ZNF141: variants seen among roughly 807,000 people sequenced by gnomAD.
ZNF141 encodes the protein zinc finger protein 141.
ZNF141 carries 7 observed loss-of-function variants against 11.3 expected under a neutral mutation model. The ratio of observed to expected loss-of-function variants is 0.62; its 90% CI spans 0.35 to 1.16. The LOEUF (loss-of-function observed/expected upper bound fraction) is 1.16, where lower values mean the gene tolerates loss of function less well. ZNF141 is among the 50% of genes most tolerant of loss of function. The pLI is 0.02. For synonymous variants in ZNF141, 183 were observed against 190.7 expected (o/e 0.96, Z 0.33); for missense variants, 535 against 554.0 (o/e 0.97, Z 0.34).
Position 348,565 on chromosome 4 carries a change from A to G in ZNF141, c.226+4135A>G, listed in dbSNP as rs1280281729. 2.6e-5 allele frequency among the ~76,000 whole-genome samples: 4 copies of G among 151,910 alleles called. No homozygotes were observed. In the East Asian group the frequency reaches 7.7e-4, roughly 29 times the overall value. Reference sequence around the variant, plus strand: ...CTGTCTCTACTAAAAATATACAAAAACTAGCTAGGGGTGGTAGTGGGCGCT... The same window carrying G: ...CTGTCTCTACTAAAAATATACAAAAGCTAGCTAGGGGTGGTAGTGGGCGCT... On this transcript the variant is annotated intron_variant, in intron 3 of 3. Transcript: ENST00000240499.
rs899375982 is a variant in ZNF141, at chr4:377,299, A to G, written c.*3437A>G. Among the ~76,000 whole-genome samples the G allele has an allele frequency of 1.1e-4, 16 of 152,336 alleles. No individual in the cohort carries two copies. Among genetic ancestry groups the G allele is most frequent in the African/African-American group, 3.8e-4 (16 of 41,570 alleles). On this transcript the variant is annotated 3_prime_UTR_variant, in exon 4 of 4. Coordinates refer to ENST00000240499, the MANE Select transcript of ZNF141 (RefSeq NM_003441.4). ...TGTAATAGATGCTTCATAATTAGCC[A>G]TAAATATTCCTGGAGTTAGTTTGTA...
Position 360,255 on chromosome 4 carries a change from A to G in ZNF141, c.227-12409A>G, listed in dbSNP as rs114751295. On this transcript the variant is annotated intron_variant, in intron 3 of 3. Coordinates refer to ENST00000240499, the MANE Select transcript of ZNF141 (RefSeq NM_003441.4). ...TCCTATTCTGCCATCTTGCTATGCC[A>G]TATGTTCCGATATGTTCTATGTCAA... Among the ~76,000 whole-genome samples, 683 of 152,298 alleles carry G rather than the reference A, an allele frequency of 4.5e-3. 7 individuals are homozygous for G. The highest frequency in any genetic ancestry group is 0.015 in the African/African-American group (642 of 41,570).
In ZNF141 at chr4:383,168, C is replaced by T; in HGVS notation, c.*9306C>T. 1 of 702,032 alleles carries T rather than the reference C, an allele frequency of 1.4e-6. No individual in the cohort carries two copies. The highest frequency in any genetic ancestry group is 2.7e-5 in the East Asian group (1 of 37,212). 43.5% of individuals were successfully genotyped at this position (702,032 alleles called of 1,614,324 possible). A position where few individuals can be genotyped will look rare whatever the true frequency, so the allele number is the denominator to read the frequency against. ...TAGCATCTGAGAAAAGCCAAAGTGC[C>T]TCAGTTTACAGACAGCTCACTCACA... On this transcript the variant is annotated 3_prime_UTR_variant, in exon 4 of 4. Coordinates refer to ENST00000240499, the MANE Select transcript of ZNF141 (RefSeq NM_003441.4).
rs1712358005 is a variant in ZNF141, at chr4:376,215, T to C, written c.*2353T>C. 6.6e-6 allele frequency among the ~76,000 whole-genome samples: 1 copy of C among 152,112 alleles called. No individual in the cohort carries two copies. ...AAAGATGGTAACAATGGTAACATAG[T>C]TGAATGACATTTTTAGTATTCTCTT... is the stretch of plus-strand genomic sequence containing the variant. On this transcript the variant is annotated 3_prime_UTR_variant, in exon 4 of 4. Coordinates refer to ENST00000240499, the MANE Select transcript of ZNF141 (RefSeq NM_003441.4).
At position 380,488 on chromosome 4, in the gene ZNF141, C is replaced by T. The variant is rs955651228; in HGVS notation, c.*6626C>T. Among the ~76,000 whole-genome samples the T allele has an allele frequency of 6.6e-6, 1 of 151,972 alleles. No individual in the cohort carries two copies. Among genetic ancestry groups the T allele is most frequent in the Non-Finnish European group, 1.5e-5 (1 of 68,014 alleles). On this transcript the variant is annotated 3_prime_UTR_variant, in exon 4 of 4. Coordinates refer to ENST00000240499, the MANE Select transcript of ZNF141 (RefSeq NM_003441.4). Reference sequence around the variant, plus strand: ...CCAACATGGTGAAACCCCGTCTCTACTACAAATATAAAAATTAGCTGGGTG... The same window carrying T: ...CCAACATGGTGAAACCCCGTCTCTATTACAAATATAAAAATTAGCTGGGTG...
chr4:365,182 T>C (rs943659376), intron 3 of ZNF141, among the ~76,000 whole-genome samples: 2 of 152,130 alleles, frequency 1.3e-5, no homozygotes, highest in South Asian at 2.1e-4. Context: ...GCTAAGACCA[T>C]TGGAAAAACA....
intron 1 of ZNF141, among the ~76,000 whole-genome samples, chr4:338,961 G>T (rs1431046276): frequency 6.6e-6 from 1 of 152,236 alleles, no homozygotes; most frequent in Non-Finnish European, 1.5e-5. Flanking sequence ...GCACTGTTCT[G>T]TTCCTCCAGG....
chr4:372,036 G>A (rs1380040587), intron 3 of ZNF141, among the ~76,000 whole-genome samples: 1 of 152,220 alleles, frequency 6.6e-6, no homozygotes, highest in Non-Finnish European at 1.5e-5. Context: ...TTCTAAGGAT[G>A]TGTCCTCTCT....
Position 377,597 on chromosome 4 carries a change from TGG to T in ZNF141, c.*3738_*3739del, listed in dbSNP as rs1560202456. On this transcript the variant is annotated 3_prime_UTR_variant, in exon 4 of 4. Coordinates refer to ENST00000240499, the MANE Select transcript of ZNF141 (RefSeq NM_003441.4). The stretch of plus-strand genomic sequence containing the variant: ...AATTTCACGTGGACTTTAGGTTAAC[TGG>T]GGTGTTTGAGGTTATTTATAGGTTA... Among the ~76,000 whole-genome samples the T allele has an allele frequency of 3.3e-5, 5 of 152,182 alleles. No individual in the cohort carries two copies. Among genetic ancestry groups the T allele is most frequent in the Admixed American group, 3.3e-4 (5 of 15,274 alleles).
rs782029635 is a variant in ZNF141 at position 381,646 on chromosome 4, G to A, written c.*7784G>A. Among the ~76,000 whole-genome samples, 5 of 151,872 alleles carry A rather than the reference G, an allele frequency of 3.3e-5. No individual in the cohort carries two copies. Among genetic ancestry groups the A allele is most frequent in the Admixed American group, 6.6e-5 (1 of 15,240 alleles). ...GCTGGTCTCAAACTCCTGACCTTAA[G>A]TGATCCACCCAGTCAGCCTCCCAAA... On this transcript the variant is annotated 3_prime_UTR_variant, in exon 4 of 4. Coordinates refer to ENST00000240499, the MANE Select transcript of ZNF141 (RefSeq NM_003441.4).
At chr4:371,303 C>T (rs1469580058) in intron 3 of ZNF141, among the ~76,000 whole-genome samples, 28 of 150,426 alleles carry the variant, frequency 1.9e-4, no homozygotes, top group Admixed American at 1.9e-3. Context: ...GCAATCTTGG[C>T]TCACTGCAAC....
chr4:338,072 G>C (rs879980815), intron 1 of ZNF141, 86 bp downstream of exon 1: 9 of 1,578,632 alleles, frequency 5.7e-6, no homozygotes, highest in Non-Finnish European at 7.8e-6. Context: ...GTCTGCGAAC[G>C]GAGTCCCCGC....
rs1712801866 is a variant in ZNF141 at position 384,115 on chromosome 4, A to G, written c.*10253A>G. Reference sequence around the variant, plus strand: ...GTGGATGCATGTGATTGGTACTTAAACTCACACAGTGCCCCATACCACAGG... The same window carrying G: ...GTGGATGCATGTGATTGGTACTTAAGCTCACACAGTGCCCCATACCACAGG... On this transcript the variant is annotated 3_prime_UTR_variant, in exon 4 of 4. Transcript: ENST00000240499. 6.6e-6 allele frequency: 1 copy of G among 152,152 alleles called. No individual in the cohort carries two copies. Among genetic ancestry groups the G allele is most frequent in the South Asian group, 2.1e-4 (1 of 4,824 alleles). 9.4% of individuals were successfully genotyped at this position (152,152 alleles called of 1,614,324 possible). A position where few individuals can be genotyped will look rare whatever the true frequency, so the allele number is the denominator to read the frequency against.
In ZNF141 at chr4:371,235, AT is replaced by A. The variant is rs1174649105; in HGVS notation, c.227-1415del. On this transcript the variant is annotated intron_variant, in intron 3 of 3. Transcript: ENST00000240499. ...CTTCATTTTTAATTTTTGTTCTGGAATTTTTTTTTTTTTTGAGATGGAGTCT... is the reference window on the plus strand; with the variant it reads ...CTTCATTTTTAATTTTTGTTCTGGAATTTTTTTTTTTTTGAGATGGAGTCT... 6.0e-3 allele frequency among the ~76,000 whole-genome samples: 845 copies of A among 140,368 alleles called. 2 individuals are homozygous for A. The highest frequency in any genetic ancestry group is 9.5e-3 in the Non-Finnish European group (609 of 63,888). The allele number at this position is 140,368 out of a possible 152,430, so 92.1% of individuals were successfully genotyped here.
At chr4:351,755 T>A (rs1314787437) in intron 3 of ZNF141, among the ~76,000 whole-genome samples, 1 of 152,126 alleles carries the variant, frequency 6.6e-6, no homozygotes, top group Non-Finnish European at 1.5e-5. Flanking sequence ...AGGTCATCAA[T>A]AGCCCCGTAA....
chr4:337,863 C>G lies in ZNF141; in HGVS notation c.-121C>G, dbSNP rs1290106374. The G allele has an allele frequency of 7.4e-7, 1 of 1,360,318 alleles. No homozygotes were observed. The highest frequency in any genetic ancestry group is 1.5e-5 in the African/African-American group (1 of 66,978). 84.3% of individuals were successfully genotyped at this position (1,360,318 alleles called of 1,614,324 possible). ...ACCGCGGGTTAGGGGCTTCATCTCT[C>G]TGCGTTCTCAGTTGTGGGAGGCCTT... On this transcript the variant is annotated 5_prime_UTR_variant, in exon 1 of 4. Transcript: ENST00000240499.
chr4:365,303 C>T (rs1711686795), intron 3 of ZNF141, among the ~76,000 whole-genome samples: 1 of 152,180 alleles, frequency 6.6e-6, no homozygotes, highest in Non-Finnish European at 1.5e-5. Flanking sequence ...AGGTGATGCC[C>T]CACCCTGTTT....
At chr4:365,627 C>G (rs1345146236) in intron 3 of ZNF141, among the ~76,000 whole-genome samples, 1 of 152,146 alleles carries the variant, frequency 6.6e-6, no homozygotes, top group Non-Finnish European at 1.5e-5. Context: ...CTTTGCTGTG[C>G]AAAACATTTT....
At chr4:351,650 C>A (rs571720237) in intron 3 of ZNF141, among the ~76,000 whole-genome samples, 1 of 152,286 alleles carries the variant, frequency 6.6e-6, no homozygotes, top group South Asian at 2.1e-4. Flanking sequence ...CCACTGAGTT[C>A]TTTTTATATA....
Sources: gnomAD v4.1 joint callset for allele counts (sites outside exome capture counted in the v4.1 genomes callset) on GRCh38, gnomAD v4.1.1 for gene constraint, MANE v1.5 for transcripts, NCBI Gene and HGNC (gene_info 2026-07-23, HGNC 2026-07-21) for gene names.